The following GABRG3 variants were observed in gnomAD, a reference collection of about 807,000 sequenced individuals.
GABRG3 encodes the protein gamma-aminobutyric acid receptor subunit gamma-3.
Under a neutral mutation model 48.8 loss-of-function variants are expected in GABRG3, and 25 were observed. The ratio of observed to expected loss-of-function variants is 0.51; its 90% confidence interval spans 0.37 to 0.72. The LOEUF is 0.72. Ranked by LOEUF, GABRG3 falls within the 30% of genes least tolerant of loss-of-function variation. The pLI is 0.00. For missense variants in GABRG3, 394 were observed against 577.9 expected (o/e 0.68, Z 3.26); for synonymous variants, 227 against 217.6 (o/e 1.04, Z -0.38).
chr15:27,132,282 G>T (rs1416195232), intron 3 of GABRG3, among the ~76,000 whole-genome samples: 1 of 151,846 alleles, frequency 6.6e-6, no homozygotes, highest in Non-Finnish European at 1.5e-5. Context: ...ACATTTAAAT[G>T]TTTAATCCAT....
chr15:27,091,708 A>G (rs1290294661), intron 3 of GABRG3, among the ~76,000 whole-genome samples: 1 of 152,184 alleles, frequency 6.6e-6, no homozygotes, highest in African/African-American at 2.4e-5. Context: ...CTTTCCAGGG[A>G]AACCCCTGTC....
At chr15:27,164,673 G>A (rs760818169) in intron 3 of GABRG3, among the ~76,000 whole-genome samples, 1 of 152,188 alleles carries the variant, frequency 6.6e-6, no homozygotes, top group African/African-American at 2.4e-5. Context: ...TCTGTTAGAC[G>A]GGTAAAATGT....
intron 3 of GABRG3, among the ~76,000 whole-genome samples, chr15:27,117,975 A>G (rs1283231553): frequency 6.6e-6 from 1 of 152,182 alleles, no homozygotes; most frequent in Non-Finnish European, 1.5e-5. Flanking sequence ...GAACCCAAGC[A>G]GTCTGGCTCC....
chr15:26,994,525 C>G (rs75820471), intron 2 of GABRG3, among the ~76,000 whole-genome samples: 7,930 of 151,880 alleles, frequency 0.052, 284 homozygotes, highest in East Asian at 0.18. Context: ...TTTTGTTTCT[C>G]TTTATATCTT....
chr15:27,501,803 A>G (rs1263642495), intron 6 of GABRG3, among the ~76,000 whole-genome samples: 2 of 152,126 alleles, frequency 1.3e-5, no homozygotes, highest in Non-Finnish European at 2.9e-5. Context: ...GATGAGAAAC[A>G]AAGAGTTTTC....
intron 5 of GABRG3, among the ~76,000 whole-genome samples, chr15:27,382,608 A>C (rs1895808025): frequency 6.6e-6 from 1 of 152,208 alleles, no homozygotes; most frequent in Admixed American, 6.5e-5. Context: ...TTGTATGGAA[A>C]ATAAATGGGA....
intron 3 of GABRG3, among the ~76,000 whole-genome samples, chr15:27,266,557 C>G (rs1890927514): frequency 6.6e-6 from 1 of 152,122 alleles, no homozygotes; most frequent in African/African-American, 2.4e-5. Flanking sequence ...TAGAAATAGC[C>G]TGTCAATTTC....
At chr15:27,333,227 A>G (rs1893858408) in intron 5 of GABRG3, among the ~76,000 whole-genome samples, 1 of 152,200 alleles carries the variant, frequency 6.6e-6, no homozygotes. Flanking sequence ...TACTCGTGCA[A>G]CAAATTACTG....
intron 3 of GABRG3, among the ~76,000 whole-genome samples, chr15:27,177,861 G>A (rs998069658): frequency 2.6e-5 from 4 of 152,186 alleles, no homozygotes; most frequent in African/African-American, 9.7e-5. Context: ...TCTGGACACA[G>A]CATGGGCAAG....
chr15:27,285,360 A>T (rs987383215), intron 3 of GABRG3, among the ~76,000 whole-genome samples: 15 of 151,752 alleles, frequency 9.9e-5, no homozygotes, highest in African/African-American at 3.4e-4. Context: ...AGGGGGAGGT[A>T]GAGGACCAGC....
chr15:27,308,561 T>A lies in GABRG3; in HGVS notation c.271-18248T>A, dbSNP rs1010216068. Reference sequence around the variant, plus strand: ...ACATATATAATGTAAACATACATGTTTATATAAACATAATGTAAACATACA... The same window carrying A: ...ACATATATAATGTAAACATACATGTATATATAAACATAATGTAAACATACA... On this transcript the variant is annotated intron_variant, in intron 3 of 9. Coordinates refer to ENST00000615808, the MANE Select transcript of GABRG3 (RefSeq NM_033223.5). 5.1e-4 allele frequency among the ~76,000 whole-genome samples: 75 copies of A among 148,386 alleles called. No homozygotes were observed. The East Asian group carries it at 6.5e-3, about 13-fold the overall frequency.
At chr15:27,287,808 G>A (rs977196217) in intron 3 of GABRG3, among the ~76,000 whole-genome samples, 2 of 145,810 alleles carry the variant, frequency 1.4e-5, no homozygotes, top group African/African-American at 5.3e-5. Flanking sequence ...GCGCGATCTC[G>A]GCTCACTGCA....
At chr15:27,464,240 C>T (rs1299817167) in intron 5 of GABRG3, among the ~76,000 whole-genome samples, 1 of 152,130 alleles carries the variant, frequency 6.6e-6, no homozygotes, top group African/African-American at 2.4e-5. Flanking sequence ...AAATGAAACC[C>T]TGTACCCATT....
chr15:27,231,107 T>A (rs72702056), intron 3 of GABRG3, among the ~76,000 whole-genome samples: 1 of 151,856 alleles, frequency 6.6e-6, no homozygotes, highest in African/African-American at 2.4e-5. Context: ...AAAACACTTA[T>A]TCTATAGGAA....
At chr15:27,230,723 G>A (rs1566973133) in intron 3 of GABRG3, among the ~76,000 whole-genome samples, 1 of 152,038 alleles carries the variant, frequency 6.6e-6, no homozygotes, top group African/African-American at 2.4e-5. Flanking sequence ...TTTGAAAATG[G>A]GAAATGCTTC....
At chr15:27,177,065 G>T (rs1887769971) in intron 3 of GABRG3, among the ~76,000 whole-genome samples, 2 of 152,152 alleles carry the variant, frequency 1.3e-5, no homozygotes, top group South Asian at 4.2e-4. Flanking sequence ...AGAACTCAGA[G>T]GCTAGGGTTT....
intron 6 of GABRG3, among the ~76,000 whole-genome samples, chr15:27,509,844 G>A (rs1050353981): frequency 2.0e-5 from 3 of 151,924 alleles, no homozygotes; most frequent in East Asian, 1.9e-4. Context: ...TTCCTATCTG[G>A]TTCTGTTCTT....
chr15:27,010,261 C>T (rs1895661041), intron 2 of GABRG3, among the ~76,000 whole-genome samples: 1 of 152,180 alleles, frequency 6.6e-6, no homozygotes, highest in Non-Finnish European at 1.5e-5. Flanking sequence ...TCCATAGGCA[C>T]CTTCCTAGGA....
At chr15:27,365,359 C>G (rs1477722465) in intron 5 of GABRG3, 1 of 148,348 alleles carries the variant, frequency 6.7e-6, no homozygotes, top group Non-Finnish European at 1.5e-5. Context: ...TCCACTCTTC[C>G]CTGTCCGCAG....
Sources: gnomAD v4.1 joint callset for allele counts (sites outside exome capture counted in the v4.1 genomes callset) on GRCh38, gnomAD v4.1.1 for gene constraint, MANE v1.5 for transcripts, NCBI Gene and HGNC (gene_info 2026-07-23, HGNC 2026-07-21) for gene names.